The following EXOC4 variants were observed in gnomAD, a reference collection of about 807,000 sequenced individuals.
EXOC4 encodes the protein exocyst complex component 4.
Under a neutral mutation model 107.2 loss-of-function variants are expected in EXOC4, and 71 were observed. That is an observed-to-expected ratio of 0.66 (90% CI 0.55 to 0.81). The LOEUF is 0.81. Among genes scored for constraint, EXOC4 ranks in the 30% least tolerant of loss-of-function variants. The probability of loss-of-function intolerance (pLI) is 0.00; values close to 1 mark genes in which losing one functional copy is unlikely to be tolerated. For synonymous variants in EXOC4, 456 were observed against 441.2 expected, an observed-to-expected ratio of 1.03 and a Z score of -0.42; for missense variants, 1,108 against 1,189.6, an observed-to-expected ratio of 0.93 and a Z score of 1.01.
At chr7:133,401,169 G>A (rs1797080026) in intron 7 of EXOC4, among the ~76,000 whole-genome samples, 1 of 144,112 alleles carries the variant, frequency 6.9e-6, no homozygotes, top group Non-Finnish European at 1.5e-5. Context: ...TAATTCCAGA[G>A]CCCACTTTTT....
chr7:133,461,797 T>A (rs1798600073), intron 7 of EXOC4, among the ~76,000 whole-genome samples: 1 of 152,228 alleles, frequency 6.6e-6, no homozygotes, highest in Admixed American at 6.5e-5. Flanking sequence ...GTTTGGAGCA[T>A]CTTACTTTCA....
intron 11 of EXOC4, among the ~76,000 whole-genome samples, chr7:133,847,344 G>T (rs1448267898): frequency 3.3e-5 from 5 of 151,654 alleles, no homozygotes; most frequent in Admixed American, 2.6e-4. Context: ...TTTTTCTAGA[G>T]GGGGAGAGGA....
At chr7:133,479,808 G>GA (rs1317774574) in intron 8 of EXOC4, 1 of 499,388 alleles carries the variant, frequency 2.0e-6, no homozygotes, top group African/African-American at 1.9e-5. Flanking sequence ...TGTACCAGTT[G>GA]AAATGCAGAA....
intron 6 of EXOC4, among the ~76,000 whole-genome samples, chr7:133,373,720 C>T (rs1796426548): frequency 6.6e-6 from 1 of 152,094 alleles, no homozygotes; most frequent in Non-Finnish European, 1.5e-5. Context: ...CTGAGAGCCA[C>T]AAAATATACA....
chr7:134,007,239 C>T (rs1041871920), intron 16 of EXOC4, among the ~76,000 whole-genome samples: 2 of 152,126 alleles, frequency 1.3e-5, no homozygotes, highest in African/African-American at 4.8e-5. Flanking sequence ...AACTTTTGAG[C>T]CCAAAGTGTC....
chr7:133,293,888 T>C lies in EXOC4; in HGVS notation c.471+4772T>C, dbSNP rs138640086. Reference sequence around the variant, plus strand: ...TATTGTAGCCTGTAGCTTTGTGATATGTACGGTTTAAATTAGACCTTTGCA... The same window carrying C: ...TATTGTAGCCTGTAGCTTTGTGATACGTACGGTTTAAATTAGACCTTTGCA... On this transcript the variant is annotated intron_variant, in intron 3 of 17. Transcript: ENST00000253861. Among the ~76,000 whole-genome samples, 13 of 152,326 alleles carry C rather than the reference T, an allele frequency of 8.5e-5. No individual in the cohort carries two copies. The East Asian group carries it at 2.5e-3, about 29-fold the overall frequency.
chr7:133,851,343 A>G (rs1191947557), intron 11 of EXOC4, among the ~76,000 whole-genome samples: 4 of 152,176 alleles, frequency 2.6e-5, no homozygotes, highest in Admixed American at 6.5e-5. Flanking sequence ...GAGAGGTGGT[A>G]TGTTTTTTAT....
intron 7 of EXOC4, among the ~76,000 whole-genome samples, chr7:133,378,125 A>T (rs1032945045): frequency 6.6e-6 from 1 of 151,990 alleles, no homozygotes; most frequent in Non-Finnish European, 1.5e-5. Context: ...CCTGGCCAAG[A>T]TGGTGAAACC....
chr7:133,610,999 T>C (rs1455092471), intron 9 of EXOC4, among the ~76,000 whole-genome samples: 5 of 150,622 alleles, frequency 3.3e-5, no homozygotes, highest in Non-Finnish European at 7.4e-5. Flanking sequence ...TTTTTTTTTT[T>C]TTTTGTAGAG....
chr7:133,741,815 T>C (rs1170916999), intron 10 of EXOC4, among the ~76,000 whole-genome samples: 6 of 152,192 alleles, frequency 3.9e-5, no homozygotes, highest in African/African-American at 1.2e-4. Context: ...CTTTTTATAC[T>C]GTTGTATAGA....
chr7:133,504,895 C>G (rs1156827186), intron 9 of EXOC4, among the ~76,000 whole-genome samples: 1 of 151,944 alleles, frequency 6.6e-6, no homozygotes, highest in Non-Finnish European at 1.5e-5. Context: ...GGTTAGTGGT[C>G]AATCTATGAA....
chr7:133,759,624 AC>A (rs1283451991), intron 10 of EXOC4, among the ~76,000 whole-genome samples: 7 of 152,118 alleles, frequency 4.6e-5, no homozygotes, highest in African/African-American at 1.7e-4. Flanking sequence ...TATGACTCTT[AC>A]CCCCACTGCA....
chr7:133,695,014 G>A (rs1794502508), intron 10 of EXOC4, among the ~76,000 whole-genome samples: 1 of 152,092 alleles, frequency 6.6e-6, no homozygotes, highest in Non-Finnish European at 1.5e-5. Context: ...TAGAGATGGA[G>A]TTTCTCTATG....
At chr7:133,721,680 A>G (rs1199452165) in intron 10 of EXOC4, among the ~76,000 whole-genome samples, 3 of 152,158 alleles carry the variant, frequency 2.0e-5, no homozygotes, top group South Asian at 2.1e-4. Context: ...TTAGGTTTAC[A>G]TGGTAAGAAG....
intron 2 of EXOC4, among the ~76,000 whole-genome samples, chr7:133,287,972 G>A (rs937239889): frequency 6.6e-6 from 1 of 152,132 alleles, no homozygotes; most frequent in Admixed American, 6.5e-5. Flanking sequence ...ACAGGTGGGC[G>A]CATTTGCCAA....
At chr7:133,577,089 T>C (rs1801149194) in intron 9 of EXOC4, among the ~76,000 whole-genome samples, 1 of 152,290 alleles carries the variant, frequency 6.6e-6, no homozygotes, top group South Asian at 2.1e-4. Flanking sequence ...TGAGTTATGA[T>C]AGACGCAATC....
chr7:133,597,007 A>C lies in EXOC4; in HGVS notation c.1418-33038A>C, dbSNP rs115210379. ...GGATATGAATCTAGGTTGACAGCCA[A>C]ATTTTTAGTTTGTCGTCTTCAGTAT... On this transcript the variant is annotated intron_variant, in intron 9 of 17. Coordinates refer to ENST00000253861, the MANE Select transcript of EXOC4 (RefSeq NM_021807.4). Among the ~76,000 whole-genome samples, 422 of 152,214 alleles carry C rather than the reference A, an allele frequency of 2.8e-3. 5 individuals carry two copies. Among genetic ancestry groups the C allele is most frequent in the African/African-American group, 9.5e-3 (396 of 41,540 alleles).
intron 10 of EXOC4, among the ~76,000 whole-genome samples, chr7:133,663,369 C>T (rs1214384616): frequency 6.6e-6 from 1 of 152,056 alleles, no homozygotes; most frequent in African/African-American, 2.4e-5. Flanking sequence ...CTGATCCATT[C>T]CTAAGGCTTT....
chr7:133,761,322 A>G (rs560470796), intron 10 of EXOC4, among the ~76,000 whole-genome samples: 1 of 152,278 alleles, frequency 6.6e-6, no homozygotes, highest in Non-Finnish European at 1.5e-5. Context: ...AAACAGACTC[A>G]TGAAACTCAT....
Sources: gnomAD v4.1 joint callset for allele counts (sites outside exome capture counted in the v4.1 genomes callset) on GRCh38, gnomAD v4.1.1 for gene constraint, MANE v1.5 for transcripts, NCBI Gene and HGNC (gene_info 2026-07-23, HGNC 2026-07-21) for gene names.